The following LYPD1 variants were observed in gnomAD, a reference collection of about 807,000 sequenced individuals.
LYPD1 encodes LY6/PLAUR domain containing 1.
In LYPD1, 14 loss-of-function variants were observed where a neutral mutation model predicts 14.2. The ratio of observed to expected loss-of-function variants is 0.99; its 90% CI spans 0.65 to 1.54. The LOEUF (loss-of-function observed/expected upper bound fraction) is 1.54. LYPD1 is among the 40% of genes most tolerant of loss of function. LYPD1 has a pLI of 0.00. For synonymous variants in LYPD1, 85 were observed against 70.6 expected, an observed-to-expected ratio of 1.20 and a Z score of -1.02; for missense variants, 165 against 175.7, an observed-to-expected ratio of 0.94 and a Z score of 0.34.
At chr2:132,649,916 A>G (rs377409454) in intron 2 of LYPD1, among the ~76,000 whole-genome samples, 217 of 152,274 alleles carry the variant, frequency 1.4e-3, no homozygotes, top group African/African-American at 4.9e-3. Context: ...AGGCTATTCT[A>G]TGACATAACA....
chr2:132,645,766 C>A lies in LYPD1; in HGVS notation c.*279G>T, dbSNP rs545684836. On this transcript the variant is annotated 3_prime_UTR_variant, in exon 3 of 3. Transcript: ENST00000397463. Reference sequence around the variant, plus strand: ...CACCTCAGTGACTTCTAAGGACTGACTCTGCCAGCCTGGCCTTGACTCCGG... The same window carrying A: ...CACCTCAGTGACTTCTAAGGACTGAATCTGCCAGCCTGGCCTTGACTCCGG... The A allele has an allele frequency of 1.3e-3, 1,300 of 1,031,802 alleles. No homozygotes were observed. Among genetic ancestry groups the A allele is most frequent in the Non-Finnish European group, 1.6e-3 (1,178 of 729,160 alleles). 63.9% of individuals were successfully genotyped at this position (1,031,802 alleles called of 1,614,324 possible). A position where few individuals can be genotyped will look rare whatever the true frequency, so the allele number is the denominator to read the frequency against.
At chr2:132,663,489 G>A (rs1002821226) in intron 2 of LYPD1, among the ~76,000 whole-genome samples, 3 of 152,044 alleles carry the variant, frequency 2.0e-5, no homozygotes, top group Admixed American at 2.0e-4. Flanking sequence ...TGGCCAGGAT[G>A]GTCTCAAACT....
Position 132,669,833 on chromosome 2 carries a change from T to C in LYPD1, c.52+48A>G. ...GGGGGCAAAAGGGCTGGCGGGTAGATGGATTGTGCGCACCTGGCCTCGGCT... is the reference window on the plus strand; with the variant it reads ...GGGGGCAAAAGGGCTGGCGGGTAGACGGATTGTGCGCACCTGGCCTCGGCT... On this transcript the variant is annotated intron_variant, in intron 1 of 2. Coordinates refer to ENST00000397463, the MANE Select transcript of LYPD1 (RefSeq NM_144586.7). The surrounding 1 kb of genome is among the most constrained non-coding windows in gnomAD (Gnocchi z 4.3). 1.9e-6 allele frequency: 3 copies of C among 1,605,132 alleles called. No individual in the cohort carries two copies. The highest frequency in any genetic ancestry group is 1.7e-4 in the Middle Eastern group (1 of 6,036).
chr2:132,655,596 C>G (rs1256678603), intron 2 of LYPD1, among the ~76,000 whole-genome samples: 3 of 146,186 alleles, frequency 2.1e-5, no homozygotes, highest in African/African-American at 5.3e-5. Flanking sequence ...CTCACTGCAA[C>G]CTCCGCCTCC....
At chr2:132,665,093 A>G (rs1683193200) in intron 2 of LYPD1, among the ~76,000 whole-genome samples, 1 of 152,238 alleles carries the variant, frequency 6.6e-6, no homozygotes, top group Non-Finnish European at 1.5e-5. Flanking sequence ...AGGGAACAAG[A>G]GTGGTGGATA....
In LYPD1 at chr2:132,646,160, G is replaced by GGGGTGTTGCAGC. The variant is rs1682063647; in HGVS notation, c.299_310dup (p.Thr103_Pro104insArgCysAsnThr). 6.2e-7 allele frequency: 1 copy of GGGGTGTTGCAGC among 1,611,986 alleles called. No homozygotes were observed. Among genetic ancestry groups the GGGGTGTTGCAGC allele is most frequent in the African/African-American group, 1.3e-5 (1 of 74,916 alleles). ...CTTGGGCCTTGGCCCGTTACAAAGA[G>GGGGTGTTGCAGC]GGGTGTTGCAGCAGCTGATGCAAAC... On this transcript the variant is annotated inframe_insertion, in exon 3 of 3. Coordinates refer to ENST00000397463, the MANE Select transcript of LYPD1 (RefSeq NM_144586.7).
chr2:132,648,884 C>T (rs183363227), intron 2 of LYPD1, among the ~76,000 whole-genome samples: 13 of 152,104 alleles, frequency 8.5e-5, no homozygotes, highest in Admixed American at 5.2e-4. Context: ...CCAGGCTGGC[C>T]GCTCCAGGCC....
At chr2:132,662,800 A>G (rs1683032321) in intron 2 of LYPD1, among the ~76,000 whole-genome samples, 1 of 152,214 alleles carries the variant, frequency 6.6e-6, no homozygotes, top group African/African-American at 2.4e-5. Context: ...CTCATTAGGA[A>G]AACTATCAAT....
At chr2:132,665,173 A>C (rs1683198345) in intron 2 of LYPD1, among the ~76,000 whole-genome samples, 1 of 152,218 alleles carries the variant, frequency 6.6e-6, no homozygotes, top group Non-Finnish European at 1.5e-5. Context: ...CATACTTCCC[A>C]ATGGAAAATT....
chr2:132,648,709 A>AGTT (rs376399782), intron 2 of LYPD1, among the ~76,000 whole-genome samples: 6 of 152,264 alleles, frequency 3.9e-5, no homozygotes, highest in African/African-American at 1.4e-4. Flanking sequence ...TCATAAGGAA[A>AGTT]GTTGGGGAGA....
rs1310884780 is a variant in LYPD1, at chr2:132,644,477, A to T, written c.*1568T>A. Among the ~76,000 whole-genome samples, 1 of 152,248 alleles carries T rather than the reference A, an allele frequency of 6.6e-6. No homozygotes were observed. The highest frequency in any genetic ancestry group is 1.5e-5 in the Non-Finnish European group (1 of 68,048). ...AAGAAACACATATGCTGTTGCAGAT[A>T]TGAGCATCATGATTATAGGTGTGCA... is the stretch of plus-strand genomic sequence containing the variant. On this transcript the variant is annotated 3_prime_UTR_variant, in exon 3 of 3. Coordinates refer to ENST00000397463, the MANE Select transcript of LYPD1 (RefSeq NM_144586.7).
chr2:132,649,976 C>A (rs1682292062), intron 2 of LYPD1, among the ~76,000 whole-genome samples: 2 of 152,038 alleles, frequency 1.3e-5, no homozygotes, highest in Admixed American at 1.3e-4. Flanking sequence ...CACACACACC[C>A]ACAAACTCTG....
At position 132,645,788 on chromosome 2, in the gene LYPD1, C is replaced by T. The variant is rs1403939400; in HGVS notation, c.*257G>A. On this transcript the variant is annotated 3_prime_UTR_variant, in exon 3 of 3. Coordinates refer to ENST00000397463, the MANE Select transcript of LYPD1 (RefSeq NM_144586.7). ...TGACTCTGCCAGCCTGGCCTTGACT[C>T]CGGTTACACAGACATGGGGGTGAAC... 2.4e-6 allele frequency: 2 copies of T among 848,758 alleles called. No homozygotes were observed. Among genetic ancestry groups the T allele is most frequent in the East Asian group, 2.7e-5 (1 of 37,250 alleles). 52.6% of individuals were successfully genotyped at this position (848,758 alleles called of 1,614,324 possible). A position where few individuals can be genotyped will look rare whatever the true frequency, so the allele number is the denominator to read the frequency against.
chr2:132,651,612 A>G (rs943698991), intron 2 of LYPD1, among the ~76,000 whole-genome samples: 28 of 152,204 alleles, frequency 1.8e-4, no homozygotes, highest in African/African-American at 6.3e-4. Context: ...CACATCCTTA[A>G]TAGGGGAAAG....
chr2:132,645,733 C>T lies in LYPD1; in HGVS notation c.*312G>A, dbSNP rs758506376. 4 of 1,297,754 alleles carry T rather than the reference C, an allele frequency of 3.1e-6. No homozygotes were observed. The South Asian group carries it at 4.5e-5, about 15-fold the overall frequency. 80.4% of individuals were successfully genotyped at this position (1,297,754 alleles called of 1,614,324 possible). On this transcript the variant is annotated 3_prime_UTR_variant, in exon 3 of 3. Coordinates refer to ENST00000397463, the MANE Select transcript of LYPD1 (RefSeq NM_144586.7). ...TGGACACTGGAGGCTTTACAAAAGGCAGATGCCCACCTCAGTGACTTCTAA... is the reference window on the plus strand; with the variant it reads ...TGGACACTGGAGGCTTTACAAAAGGTAGATGCCCACCTCAGTGACTTCTAA...
Position 132,645,327 on chromosome 2 carries a change from CCGCCTGT to C in LYPD1, c.*711_*717del. 1 of 1,614,188 alleles carries C rather than the reference CCGCCTGT, an allele frequency of 6.2e-7. No individual in the cohort carries two copies. The highest frequency in any genetic ancestry group is 8.5e-7 in the Non-Finnish European group (1 of 1,180,036). ...GGGTGTTCGTGCAGGTGCTGTGCTGCCGCCTGTCGCTGCAGCACGCCAACCACGAGAA... is the reference window on the plus strand; with the variant it reads ...GGGTGTTCGTGCAGGTGCTGTGCTGCCGCTGCAGCACGCCAACCACGAGAA... On this transcript the variant is annotated 3_prime_UTR_variant, in exon 3 of 3. Transcript: ENST00000397463.
chr2:132,655,952 AC>A (rs201068681), intron 2 of LYPD1, among the ~76,000 whole-genome samples: 13 of 151,956 alleles, frequency 8.6e-5, no homozygotes, highest in African/African-American at 2.9e-4. Flanking sequence ...AAGATCTGTC[AC>A]CCCCCTCCAC....
At chr2:132,648,408 C>A (rs1682225805) in intron 2 of LYPD1, among the ~76,000 whole-genome samples, 1 of 152,276 alleles carries the variant, frequency 6.6e-6, no homozygotes, top group Non-Finnish European at 1.5e-5. Context: ...GTGTGGCATG[C>A]CTTCTTCCAG....
At chr2:132,646,546 GTTAAATAGACTTATTTACATT>G (rs1158489001) in intron 2 of LYPD1, 2 of 355,472 alleles carry the variant, frequency 5.6e-6, no homozygotes, top group Non-Finnish European at 1.0e-5. Context: ...ATAAAGAGCT[GTTAAATAGACTTATTTACATT>G]TTAAGTCAGA....
Sources: allele counts gnomAD v4.1 joint callset (sites outside exome capture counted in the v4.1 genomes callset), GRCh38; gene constraint gnomAD v4.1.1; non-coding constraint Gnocchi (gnomAD v3.1); transcripts MANE v1.5; gene names NCBI Gene and HGNC (gene_info 2026-07-23, HGNC 2026-07-21).